The following COMT variants were observed in gnomAD, a reference collection of about 807,000 sequenced individuals.
The protein encoded by COMT is catechol O-methyltransferase.
COMT carries 13 observed loss-of-function variants against 18.9 expected under a neutral mutation model. That is an observed-to-expected ratio of 0.69 (90% CI 0.45 to 1.09). COMT has a LOEUF of 1.09. Ranked by LOEUF, COMT falls within the 50% of genes least tolerant of loss-of-function variation. COMT has a pLI of 0.00. For missense variants in COMT, 329 were observed against 361.8 expected (o/e 0.91, Z 0.73); for synonymous variants, 150 against 160.9 (o/e 0.93, Z 0.51).
chr22:19,944,461 G>C (rs573201671), intron 1 of COMT, among the ~76,000 whole-genome samples: 20 of 152,016 alleles, frequency 1.3e-4, no homozygotes, highest in Middle Eastern at 3.4e-3. Flanking sequence ...ACTGGGAGGT[G>C]GGGGGCTGCA....
chr22:19,961,563 C>T (rs1209224831), intron 2 of COMT: 2 of 152,358 alleles, frequency 1.3e-5, no homozygotes, highest in African/African-American at 4.8e-5. Flanking sequence ...CCTGGGTGTG[C>T]CTTTCTAAAA....
intron 1 of COMT, among the ~76,000 whole-genome samples, chr22:19,946,476 A>C (rs1302972573): frequency 6.6e-6 from 1 of 152,124 alleles, no homozygotes; most frequent in African/African-American, 2.4e-5. Context: ...CAACACAGTG[A>C]GACTCCATCT....
At chr22:19,961,683 C>T (rs1371134975) in intron 2 of COMT, 2 of 152,276 alleles carry the variant, frequency 1.3e-5, no homozygotes, top group East Asian at 1.9e-4. Flanking sequence ...TTCCTTGTGT[C>T]CTTCCCGTTT....
Position 19,963,705 on chromosome 22 carries a change from C to T in COMT, c.429C>T (p.Pro143=), listed in dbSNP as rs201641100. 1.8e-5 allele frequency: 29 copies of T among 1,612,848 alleles called. No homozygotes were observed. The highest frequency in any genetic ancestry group is 1.7e-5 in the Admixed American group (1 of 60,002). The change falls in exon 4 of 6, where the codon CCC becomes CCT. Residue 143 remains proline (P), a synonymous_variant. Coordinates refer to ENST00000361682, the MANE Select transcript of COMT (RefSeq NM_000754.4). ...GGCTCATCACCATCGAGATCAACCC[C>T]GACTGTGCCGCCATCACCCAGCGGA... The part of the protein sequence containing the change: ...GARLITIEIN[P]DCAAITQRMV...
At chr22:19,966,451 A>AG (rs1028190879) in intron 5 of COMT, among the ~76,000 whole-genome samples, 8 of 151,330 alleles carry the variant, frequency 5.3e-5, no homozygotes, top group African/African-American at 2.0e-4. Context: ...AAAAAAAAAA[A>AG]AAAAGAAAAA....
At chr22:19,954,872 C>A (rs1372389332) in intron 1 of COMT, among the ~76,000 whole-genome samples, 1 of 152,214 alleles carries the variant, frequency 6.6e-6, no homozygotes, top group African/African-American at 2.4e-5. Flanking sequence ...GAGGCTAGTC[C>A]TCTGCCTCCT....
intron 2 of COMT, 169 bp from the exon 3 acceptor site, chr22:19,962,358 C>A: frequency 8.0e-7 from 1 of 1,243,608 alleles, no homozygotes; most frequent in Non-Finnish European, 1.1e-6. Flanking sequence ...CACGAGAAGG[C>A]TGGCTCCCTG....
At chr22:19,959,906 G>A (rs1942155477) in intron 1 of COMT, among the ~76,000 whole-genome samples, 1 of 152,058 alleles carries the variant, frequency 6.6e-6, no homozygotes, top group African/African-American at 2.4e-5. Context: ...GTTGGCCACA[G>A]AGCCGCGGGC....
In COMT at chr22:19,962,710, C is replaced by T. The variant is rs1942223864; in HGVS notation, c.184C>T (p.His62Tyr). The stretch of plus-strand genomic sequence containing the variant: ...CACCAAGGAGCAGCGCATCCTGAAC[C>T]ACGTGCTGCAGCATGCGGAGCCCGG... ...GDTKEQRILN[H>Y]VLQHAEPGNA... Residue 62 changes from histidine (H) to tyrosine (Y), a missense_variant, in exon 3 of 6, where the codon CAC (histidine) becomes TAC (tyrosine). His to Tyr is a moderately conservative substitution (Grantham distance 83). Transcript: ENST00000361682. The T allele has an allele frequency of 1.2e-6, 2 of 1,613,656 alleles. No homozygotes were observed. Among genetic ancestry groups the T allele is most frequent in the Non-Finnish European group, 1.7e-6 (2 of 1,180,020 alleles).
intron 5 of COMT, chr22:19,965,508 G>GT: frequency 6.6e-6 from 1 of 152,204 alleles, no homozygotes; most frequent in South Asian, 2.1e-4. Flanking sequence ...CACCCGGCTA[G>GT]TTTTTTGTAG....
chr22:19,959,004 T>G (rs1436471889), intron 1 of COMT, among the ~76,000 whole-genome samples: 1 of 152,122 alleles, frequency 6.6e-6, no homozygotes, highest in Non-Finnish European at 1.5e-5. Flanking sequence ...CAAAACTGTC[T>G]TTTTGCCTCT....
chr22:19,963,998 T>G, intron 4 of COMT, 170 bp from the exon 5 acceptor site: 1 of 1,361,946 alleles, frequency 7.3e-7, no homozygotes, highest in South Asian at 1.2e-5. Context: ...AGGGACAGAG[T>G]GGGGCCTTGT....
At chr22:19,953,883 AG>A (rs1942001770) in intron 1 of COMT, among the ~76,000 whole-genome samples, 1 of 152,102 alleles carries the variant, frequency 6.6e-6, no homozygotes, top group Non-Finnish European at 1.5e-5. Flanking sequence ...GCAGGTGCCA[AG>A]GCAGAATCGG....
At chr22:19,946,898 A>T (rs560145776) in intron 1 of COMT, among the ~76,000 whole-genome samples, 5 of 149,500 alleles carry the variant, frequency 3.3e-5, no homozygotes, top group South Asian at 2.1e-4. Context: ...CATTAAAAAA[A>T]ATTTTTTTTT....
At chr22:19,946,961 G>C (rs1941847958) in intron 1 of COMT, among the ~76,000 whole-genome samples, 1 of 142,422 alleles carries the variant, frequency 7.0e-6, no homozygotes, top group Non-Finnish European at 1.5e-5. Context: ...TGTTGCTCAG[G>C]CTGGAGTGCA....
In COMT at chr22:19,962,852, A is replaced by G. The variant is rs1460566614; in HGVS notation, c.289+37A>G. 2.5e-6 allele frequency: 4 copies of G among 1,580,240 alleles called. No homozygotes were observed. In the African/African-American group the frequency reaches 4.0e-5, roughly 16 times the overall value. On this transcript the variant is annotated intron_variant, in intron 3 of 5. Coordinates refer to ENST00000361682, the MANE Select transcript of COMT (RefSeq NM_000754.4). ...GCCAGCAGGTGCTCAGCTCTGGGAC[A>G]GGGACCCAGGACCAGGCATCAAAGC...
At position 19,956,137 on chromosome 22, in the gene COMT, CTTTTTTTTTTTT is replaced by C. The variant is rs71186638; in HGVS notation, c.-91-5048_-91-5037del. On this transcript the variant is annotated intron_variant, in intron 1 of 5. Coordinates refer to ENST00000361682, the MANE Select transcript of COMT (RefSeq NM_000754.4). ...CTTTCTTTCTTTTTTTTCTTTTTTT[CTTTTTTTTTTTT>C]TTTTTTTTTTTTTGAGATGGAGTCT... 1.8e-4 allele frequency among the ~76,000 whole-genome samples: 15 copies of C among 84,826 alleles called. No homozygotes were observed. The South Asian group carries it at 2.2e-3, about 12-fold the overall frequency. The allele number at this position is 84,826 out of a possible 152,430, so 55.6% of individuals were successfully genotyped here. A position where few individuals can be genotyped will look rare whatever the true frequency, so the allele number is the denominator to read the frequency against.
intron 1 of COMT, among the ~76,000 whole-genome samples, chr22:19,942,362 C>A (rs989314709): frequency 3.9e-5 from 6 of 152,010 alleles, no homozygotes; most frequent in Admixed American, 3.9e-4. Context: ...GTCTGTGGAG[C>A]CCCAGACTCA....
At position 19,962,573 on chromosome 22, in the gene COMT, T is replaced by C. The variant is rs1942218377; in HGVS notation, c.47T>C (p.Leu16Pro). 2.0e-6 allele frequency: 3 copies of C among 1,526,560 alleles called. No individual in the cohort carries two copies. The East Asian group carries it at 7.6e-5, about 39-fold the overall frequency. The allele number at this position is 1,526,560 out of a possible 1,614,324, so 94.6% of individuals were successfully genotyped here. Reference sequence around the variant, plus strand: ...CTGTTGGCAGCTGTGTTGCTGGGCCTGGTGCTGCTGGTGGTGCTGCTGCTG... The same window carrying C: ...CTGTTGGCAGCTGTGTTGCTGGGCCCGGTGCTGCTGGTGGTGCTGCTGCTG... Reference protein sequence around the residue: ...PLLLAAVLLGLVLLVVLLLLL... With the variant: ...PLLLAAVLLGPVLLVVLLLLL... Residue 16 changes from leucine to proline, a missense_variant, in exon 3 of 6, where the codon CTG (leucine) becomes CCG (proline). Leu to Pro is a moderately conservative substitution (Grantham distance 98, BLOSUM62 -3). Transcript: ENST00000361682.
Sources: gnomAD v4.1 joint callset for allele counts (sites outside exome capture counted in the v4.1 genomes callset) on GRCh38, gnomAD v4.1.1 for gene constraint, MANE v1.5 for transcripts, NCBI Gene and HGNC (gene_info 2026-07-23, HGNC 2026-07-21) for gene names.